The following HNF1A variants were observed in gnomAD, a reference collection of about 807,000 sequenced individuals.
HNF1A encodes hepatocyte nuclear factor 1-alpha.
A neutral mutation model predicts 62.2 loss-of-function variants in HNF1A; 21 were observed. The observed-to-expected ratio is 0.34, with a 90% CI of 0.24 to 0.49. The LOEUF is 0.49. Among genes scored for constraint, HNF1A ranks in the 20% least tolerant of loss-of-function variants. The pLI is 0.99. For missense variants in HNF1A, 687 were observed against 832.3 expected (o/e 0.83, Z 2.15); for synonymous variants, 374 against 366.8 (o/e 1.02, Z -0.22).
At chr12:121,000,792 AACACGT>A in intron 9 of HNF1A, 1 of 495,814 alleles carries the variant, frequency 2.0e-6, no homozygotes, top group Non-Finnish European at 3.7e-6. Flanking sequence ...TAGCCAAGCC[AACACGT>A]ACAACTACCT....
chr12:120,986,704 C>T (rs1199167560), intron 1 of HNF1A, among the ~76,000 whole-genome samples: 5 of 152,276 alleles, frequency 3.3e-5, no homozygotes, highest in Admixed American at 6.5e-5. Flanking sequence ...CTCAGCCTCC[C>T]GAGTAGCCGG....
intron 2 of HNF1A, among the ~76,000 whole-genome samples, chr12:120,989,893 G>A (rs568736105): frequency 1.3e-5 from 2 of 152,152 alleles, no homozygotes; most frequent in African/African-American, 4.8e-5. Flanking sequence ...CCATGGAGAC[G>A]CAGGGAAGGG....
chr12:120,988,595 T>C (rs989928999), intron 1 of HNF1A, among the ~76,000 whole-genome samples: 5 of 152,234 alleles, frequency 3.3e-5, no homozygotes, highest in Non-Finnish European at 7.3e-5. Flanking sequence ...ACGTTTGTCA[T>C]GTGTGTGCGT....
chr12:120,982,143 C>A (rs1006822236), intron 1 of HNF1A, among the ~76,000 whole-genome samples: 2 of 152,180 alleles, frequency 1.3e-5, no homozygotes, highest in Admixed American at 1.3e-4. Flanking sequence ...GATCTCGGCT[C>A]ACTGCAAGCT....
rs777956008 is a variant in HNF1A at position 120,999,335 on chromosome 12, C to T, written c.1569C>T (p.Leu523=). 144 of 1,613,910 alleles carry T rather than the reference C, an allele frequency of 8.9e-5. No individual in the cohort carries two copies. The highest frequency in any genetic ancestry group is 1.2e-4 in the Non-Finnish European group (136 of 1,179,998). ...CGGGCCTGCTCCCGCAGACTATGCT[C>T]ATCACCGACACCACCAACCTGAGCG... ...THTGLLPQTM[L]ITDTTNLSAL... The change falls in exon 8 of 10, where the codon CTC becomes CTT. Residue 523 remains leucine, a synonymous_variant. Coordinates refer to ENST00000257555, the MANE Select transcript of HNF1A (RefSeq NM_000545.8).
intron 4 of HNF1A, among the ~76,000 whole-genome samples, chr12:120,995,926 C>T (rs891435718): frequency 6.6e-6 from 1 of 152,206 alleles, no homozygotes. Context: ...TCAATTCATT[C>T]ATTTCAGATT....
intron 7 of HNF1A, 22 bp downstream of exon 7, chr12:120,997,687 C>G (rs777426173): frequency 1.3e-6 from 2 of 1,598,540 alleles, no homozygotes; most frequent in South Asian, 2.3e-5. Flanking sequence ...GTGCCCCACA[C>G]AGCAGGAGAT....
At position 121,001,304 on chromosome 12, in the gene HNF1A, A is replaced by G. The variant is rs891922993; in HGVS notation, c.*112A>G. ...GCCGAGCAACCGTGGCCCTTCCTGG[A>G]CAGCTGTGCCTCGCTCCCCACTCTG... On this transcript the variant is annotated 3_prime_UTR_variant, in exon 10 of 10. Transcript: ENST00000257555. 39 of 1,331,622 alleles carry G rather than the reference A, an allele frequency of 2.9e-5. No homozygotes were observed. Among genetic ancestry groups the G allele is most frequent in the Non-Finnish European group, 4.1e-5 (39 of 955,620 alleles). 82.5% of individuals were successfully genotyped at this position (1,331,622 alleles called of 1,614,324 possible).
At position 121,002,428 on chromosome 12, in the gene HNF1A, G is replaced by A. The variant is rs777341934; in HGVS notation, c.*1236G>A. On this transcript the variant is annotated 3_prime_UTR_variant, in exon 10 of 10. Coordinates refer to ENST00000257555, the MANE Select transcript of HNF1A (RefSeq NM_000545.8). ...TTCAGGAAAAGGCCTGGGGTGACCC[G>A]GCACCCCCTGCAGCTTGTAGCCAGC... 7.0e-5 allele frequency: 37 copies of A among 531,404 alleles called. No individual in the cohort carries two copies. Among genetic ancestry groups the A allele is most frequent in the South Asian group, 1.7e-4 (11 of 65,136 alleles). The allele number at this position is 531,404 out of a possible 1,614,324, so 32.9% of individuals were successfully genotyped here. A position where few individuals can be genotyped will look rare whatever the true frequency, so the allele number is the denominator to read the frequency against.
intron 7 of HNF1A, among the ~76,000 whole-genome samples, chr12:120,998,802 GAACT>G (rs1260768196): frequency 6.6e-6 from 1 of 152,204 alleles, no homozygotes. Context: ...GGGGCCACCT[GAACT>G]TACTACACAG....
In HNF1A at chr12:120,978,875, A is replaced by G; in HGVS notation, c.107A>G (p.Tyr36Cys). The change falls in exon 1 of 10, where the codon TAC becomes TGC. Residue 36 changes from tyrosine to cysteine, a missense_variant. Around this residue, in one of 5 missense-constraint regions of HNF1A, gnomAD observed 159 missense variants for 154.4 expected, o/e 1.03. Coordinates refer to ENST00000257555, the MANE Select transcript of HNF1A (RefSeq NM_000545.8). ...CAGGCACTGGGTGAGCCGGGGCCCT[A>G]CCTCCTGGCTGGAGAAGGCCCCCTG... ...LIQALGEPGP[Y>C]LLAGEGPLDK... 2 of 1,613,072 alleles carry G rather than the reference A, an allele frequency of 1.2e-6. No homozygotes were observed. Among genetic ancestry groups the G allele is most frequent in the South Asian group, 1.1e-5 (1 of 91,042 alleles).
chr12:120,987,240 C>T (rs1182467322), intron 1 of HNF1A, among the ~76,000 whole-genome samples: 4 of 151,848 alleles, frequency 2.6e-5, no homozygotes, highest in Admixed American at 6.6e-5. Context: ...TTTGGGAGGC[C>T]GAGGCAGGCA....
At chr12:120,998,573 A>C (rs1169303) in intron 7 of HNF1A, among the ~76,000 whole-genome samples, 68,864 of 151,900 alleles carry the variant, frequency 0.45, 16,580 homozygotes, top group East Asian at 0.74. Context: ...CTGTGTGTAC[A>C]TGGTTGAGAG....
rs1239319216 is a variant in HNF1A, at chr12:120,994,392, C to T, written c.942C>T (p.Pro314=). 12 of 1,590,194 alleles carry T rather than the reference C, an allele frequency of 7.5e-6. No individual in the cohort carries two copies. Among genetic ancestry groups the T allele is most frequent in the Non-Finnish European group, 9.4e-6 (11 of 1,167,948 alleles). ...SPGLPPPALS[P]SKVHGVRYGQ... is the part of the protein sequence containing the mutation. Reference sequence around the variant, plus strand: ...GCCTGCCTCCACCTGCCCTCTCCCCCAGTAAGGTCCACGGTAAGTGGTATG... The same window carrying T: ...GCCTGCCTCCACCTGCCCTCTCCCCTAGTAAGGTCCACGGTAAGTGGTATG... Residue 314 remains proline, a synonymous_variant, in exon 4 of 10, where the codon CCC becomes CCT. Transcript: ENST00000257555.
chr12:120,983,046 A>G (rs1876331178), intron 1 of HNF1A, among the ~76,000 whole-genome samples: 1 of 152,188 alleles, frequency 6.6e-6, no homozygotes, highest in Non-Finnish European at 1.5e-5. Flanking sequence ...AAGCCCCCAC[A>G]CTGAGAAGTC....
Position 120,993,501 on chromosome 12 carries a change from C to T in HNF1A, c.527-19C>T, listed in dbSNP as rs563495098. The T allele has an allele frequency of 2.0e-5, 32 of 1,613,134 alleles. No homozygotes were observed. Among genetic ancestry groups the T allele is most frequent in the Middle Eastern group, 1.7e-4 (1 of 5,982 alleles). ...GTGAGAGTGGCCAGTACCCCACTCACGGCTTTCTGTGCCTGCAGAGTTCAC... is the reference window on the plus strand; with the variant it reads ...GTGAGAGTGGCCAGTACCCCACTCATGGCTTTCTGTGCCTGCAGAGTTCAC... On this transcript the variant is annotated intron_variant, in intron 2 of 9. Transcript: ENST00000257555.
At chr12:120,988,701 TG>T in intron 1 of HNF1A, 131 bp from the exon 2 acceptor site, 1 of 782,740 alleles carries the variant, frequency 1.3e-6, no homozygotes. Flanking sequence ...TGTAGGCCCC[TG>T]GGCTCCATAA....
At chr12:120,981,731 G>A (rs1876258364) in intron 1 of HNF1A, among the ~76,000 whole-genome samples, 1 of 152,134 alleles carries the variant, frequency 6.6e-6, no homozygotes, top group Admixed American at 6.6e-5. Context: ...TTCCACTACT[G>A]TTGTTCACTT....
intron 1 of HNF1A, among the ~76,000 whole-genome samples, chr12:120,982,285 G>A (rs938482529): frequency 6.6e-6 from 1 of 152,090 alleles, no homozygotes; most frequent in African/African-American, 2.4e-5. Context: ...GGCCAGGCTG[G>A]TCTCAAACTC....
Sources: allele counts gnomAD v4.1 joint callset (sites outside exome capture counted in the v4.1 genomes callset), GRCh38; gene constraint gnomAD v4.1.1; regional missense constraint gnomAD v4.1.1; transcripts MANE v1.5; gene names NCBI Gene and HGNC (gene_info 2026-07-23, HGNC 2026-07-21).